The following GRM7 variants were observed in gnomAD, a reference collection of about 807,000 sequenced individuals.
GRM7 encodes glutamate metabotropic receptor 7.
A neutral mutation model predicts 84.5 loss-of-function variants in GRM7; 35 were observed. The ratio of observed to expected loss-of-function variants is 0.41; its 90% CI spans 0.32 to 0.55. The LOEUF (loss-of-function observed/expected upper bound fraction) is 0.55, where lower values mean the gene tolerates loss of function less well. Ranked by LOEUF, GRM7 falls within the 20% of genes least tolerant of loss-of-function variation. GRM7 has a pLI of 0.19. For missense variants in GRM7, 1,003 were observed against 1,194.6 expected (o/e 0.84, Z 2.36); for synonymous variants, 487 against 455.1 (o/e 1.07, Z -0.89).
intron 2 of GRM7, 104 bp downstream of exon 2, chr3:7,146,772 C>T (rs1341381123): frequency 2.6e-6 from 2 of 763,666 alleles, no homozygotes; most frequent in East Asian, 5.3e-5. Context: ...TCTTACATTC[C>T]CAGAGTCCTG....
intron 1 of GRM7, among the ~76,000 whole-genome samples, chr3:7,092,429 A>G (rs951423310): frequency 2.0e-5 from 3 of 152,188 alleles, no homozygotes; most frequent in Non-Finnish European, 4.4e-5. Context: ...CGGGCAATTG[A>G]CAATCATTTT....
In GRM7 at chr3:7,099,395, TATAC is replaced by T. The variant is rs541216786; in HGVS notation, c.520-47049_520-47046del. Among the ~76,000 whole-genome samples the T allele has an allele frequency of 1.7e-3, 250 of 148,476 alleles. 1 individual carries two copies. The highest frequency in any genetic ancestry group is 6.3e-3 in the East Asian group (32 of 5,088). ...ATATACATATATAATATATACATTA[TATAC>T]ATACATAATACATATTATGCATGTA... On this transcript the variant is annotated intron_variant, in intron 1 of 9. Coordinates refer to ENST00000357716, the MANE Select transcript of GRM7 (RefSeq NM_000844.4).
Position 7,644,213 on chromosome 3 carries a change from C to CGTATAT in GRM7, c.2452-35836_2452-35835insGTATAT, listed in dbSNP as rs879687003. Among the ~76,000 whole-genome samples, 278 of 134,760 alleles carry CGTATAT rather than the reference C, an allele frequency of 2.1e-3. 4 individuals carry two copies. Among genetic ancestry groups the CGTATAT allele is most frequent in the African/African-American group, 8.0e-3 (270 of 33,872 alleles). 88.4% of individuals were successfully genotyped at this position (134,760 alleles called of 152,430 possible). On this transcript the variant is annotated intron_variant, in intron 8 of 9. Transcript: ENST00000357716. ...CTGTACGTATATATATATGTCTGTA[C>CGTATAT]ATATATATGTGTGTGTCTGTACATA...
intron 8 of GRM7, among the ~76,000 whole-genome samples, chr3:7,631,566 C>A (rs200635142): frequency 9.7e-4 from 148 of 152,264 alleles, no homozygotes; most frequent in Middle Eastern, 3.4e-3. Context: ...CTTCATGAAG[C>A]TTTAAGTATA....
chr3:7,301,826 C>A (rs375287254), intron 3 of GRM7, among the ~76,000 whole-genome samples: 20 of 152,036 alleles, frequency 1.3e-4, no homozygotes, highest in Admixed American at 1.0e-3. Context: ...CATAATGTTA[C>A]GTTATTTCTT....
intron 4 of GRM7, among the ~76,000 whole-genome samples, chr3:7,308,187 G>T (rs2125037221): frequency 6.6e-6 from 1 of 152,258 alleles, no homozygotes; most frequent in South Asian, 2.1e-4. Context: ...ACACTGGGGA[G>T]ACCCTTTCCT....
intron 1 of GRM7, among the ~76,000 whole-genome samples, chr3:7,016,944 G>A (rs73128602): frequency 0.021 from 3,135 of 152,170 alleles, 100 homozygotes; most frequent in African/African-American, 0.069. Context: ...GTTGTTTGGG[G>A]CTGGTAGCAT....
Position 7,103,818 on chromosome 3 carries a change from C to CTTTCTTTCTT in GRM7, c.520-42633_520-42632insTTCTTTCTTT, listed in dbSNP as rs1201324152. ...TCTTTCTTTCTTTCTTTCTTTCTTT[C>CTTTCTTTCTT]TCTCTCTCTCTGTCTCTCTCTCCCT... On this transcript the variant is annotated intron_variant, in intron 1 of 9. Transcript: ENST00000357716. 1.2e-3 allele frequency among the ~76,000 whole-genome samples: 145 copies of CTTTCTTTCTT among 122,292 alleles called. 2 individuals are homozygous for CTTTCTTTCTT. Among genetic ancestry groups the CTTTCTTTCTT allele is most frequent in the African/African-American group, 5.1e-3 (129 of 25,532 alleles). The allele number at this position is 122,292 out of a possible 152,430, so 80.2% of individuals were successfully genotyped here. A position where few individuals can be genotyped will look rare whatever the true frequency, so the allele number is the denominator to read the frequency against.
At chr3:7,216,008 T>C (rs1696596669) in intron 2 of GRM7, among the ~76,000 whole-genome samples, 1 of 152,214 alleles carries the variant, frequency 6.6e-6, no homozygotes, top group South Asian at 2.1e-4. Flanking sequence ...ATATTCACTA[T>C]TTAAAAAACA....
intron 2 of GRM7, among the ~76,000 whole-genome samples, chr3:7,207,302 G>C (rs1454924079): frequency 6.6e-6 from 1 of 152,158 alleles, no homozygotes; most frequent in Non-Finnish European, 1.5e-5. Flanking sequence ...TGAGTTGATG[G>C]AGACAGGGCA....
intron 1 of GRM7, among the ~76,000 whole-genome samples, chr3:7,049,554 A>G (rs576614371): frequency 2.6e-5 from 4 of 152,062 alleles, no homozygotes; most frequent in Non-Finnish European, 5.9e-5. Context: ...ACAAATCCAA[A>G]CCATATCACA....
At chr3:7,411,557 C>T (rs1490983056) in intron 4 of GRM7, among the ~76,000 whole-genome samples, 1 of 152,144 alleles carries the variant, frequency 6.6e-6, no homozygotes, top group East Asian at 1.9e-4. Flanking sequence ...ATATGACTGC[C>T]TCATTAAACA....
intron 1 of GRM7, among the ~76,000 whole-genome samples, chr3:7,003,372 T>C (rs1424586176): frequency 6.6e-6 from 1 of 152,058 alleles, no homozygotes; most frequent in Non-Finnish European, 1.5e-5. Context: ...ATGCAATTAA[T>C]GTTTGTCATT....
intron 2 of GRM7, among the ~76,000 whole-genome samples, chr3:7,273,028 A>T (rs4629323): frequency 0.9 from 136,553 of 152,068 alleles, 61,589 homozygotes; most frequent in East Asian, 0.98. Context: ...ATCCCACAAA[A>T]TTTGATAAGT....
chr3:7,572,838 AT>A (rs1465113540), intron 7 of GRM7, among the ~76,000 whole-genome samples: 2 of 17,902 alleles, frequency 1.1e-4, no homozygotes, highest in African/African-American at 4.0e-4. Context: ...ATATATATAT[AT>A]ATATATATAT....
At chr3:7,118,063 T>C (rs558868439) in intron 1 of GRM7, among the ~76,000 whole-genome samples, 4 of 152,206 alleles carry the variant, frequency 2.6e-5, no homozygotes, top group Admixed American at 2.6e-4. Flanking sequence ...AAGGGAAAGA[T>C]AGTTTTCCTA....
intron 2 of GRM7, among the ~76,000 whole-genome samples, chr3:7,241,072 AC>A: frequency 6.6e-6 from 1 of 152,210 alleles, no homozygotes; most frequent in Non-Finnish European, 1.5e-5. Context: ...CTCAGAACAT[AC>A]CCCCATTGAT....
chr3:7,365,676 C>T (rs1328388464), intron 4 of GRM7, among the ~76,000 whole-genome samples: 1 of 141,478 alleles, frequency 7.1e-6, no homozygotes, highest in Non-Finnish European at 1.5e-5. Context: ...CACACACGCA[C>T]ACACACACAC....
chr3:7,171,785 ACCT>A (rs757262457), intron 2 of GRM7, among the ~76,000 whole-genome samples: 2 of 152,016 alleles, frequency 1.3e-5, no homozygotes, highest in East Asian at 1.9e-4. Flanking sequence ...TGAGAACACC[ACCT>A]CCTCCCTAAA....
Sources: allele counts gnomAD v4.1 joint callset (sites outside exome capture counted in the v4.1 genomes callset), GRCh38; gene constraint gnomAD v4.1.1; transcripts MANE v1.5; gene names NCBI Gene and HGNC (gene_info 2026-07-23, HGNC 2026-07-21).